Variants in LDB3 observed in about 807,000 individuals in gnomAD.
The protein encoded by LDB3 is LIM domain binding 3, also known as LIM domain-binding protein 3.
In LDB3, 49 loss-of-function variants were observed where a neutral mutation model predicts 69.0. The ratio of observed to expected loss-of-function variants is 0.71; its 90% CI spans 0.56 to 0.90. The LOEUF (loss-of-function observed/expected upper bound fraction) is 0.90, where lower values mean the gene tolerates loss of function less well. Among genes scored for constraint, LDB3 ranks in the 40% least tolerant of loss-of-function variants. The pLI, the probability that LDB3 is intolerant of heterozygous loss-of-function variation, is 0.00. For synonymous variants in LDB3, 387 were observed against 396.2 expected (o/e 0.98, Z 0.28); for missense variants, 928 against 974.1 (o/e 0.95, Z 0.63).
chr10:86,723,431 A>C (rs570572218), intron 12 of LDB3, among the ~76,000 whole-genome samples: 1 of 152,284 alleles, frequency 6.6e-6, no homozygotes, highest in African/African-American at 2.4e-5. Context: ...ACAGCCTAGC[A>C]CAAAGGATTG....
intron 12 of LDB3, among the ~76,000 whole-genome samples, chr10:86,721,246 T>A (rs56999074): frequency 0.015 from 2,346 of 152,326 alleles, 61 homozygotes; most frequent in African/African-American, 0.054. Flanking sequence ...TTATTTTCTG[T>A]TTTTTAAAAA....
intron 9 of LDB3, among the ~76,000 whole-genome samples, chr10:86,713,569 A>C (rs1846751356): frequency 6.6e-6 from 1 of 152,166 alleles, no homozygotes; most frequent in South Asian, 2.1e-4. Flanking sequence ...TTAGCAGAGA[A>C]TTGCACTTCA....
chr10:86,714,977 C>T (rs960040009), intron 9 of LDB3, among the ~76,000 whole-genome samples: 1 of 152,210 alleles, frequency 6.6e-6, no homozygotes, highest in African/African-American at 2.4e-5. Flanking sequence ...TACTCACCCC[C>T]AGCACAGGGA....
At chr10:86,705,670 G>A (rs779522554) in intron 7 of LDB3, among the ~76,000 whole-genome samples, 12 of 152,170 alleles carry the variant, frequency 7.9e-5, no homozygotes, top group Non-Finnish European at 1.6e-4. Context: ...TCCCCAACCC[G>A]TCTGGTCCAC....
chr10:86,711,371 C>T (rs896756460), intron 9 of LDB3, among the ~76,000 whole-genome samples: 1 of 152,040 alleles, frequency 6.6e-6, no homozygotes, highest in African/African-American at 2.4e-5. Flanking sequence ...AGCCGCGGGC[C>T]CCCGCGCCGT....
At chr10:86,719,880 C>T (rs920055976) in intron 12 of LDB3, among the ~76,000 whole-genome samples, 6 of 152,184 alleles carry the variant, frequency 3.9e-5, no homozygotes, top group African/African-American at 1.2e-4. Context: ...AGGCTTCCCC[C>T]TTCAGAAAGG....
chr10:86,683,753 C>G (rs147491608), intron 5 of LDB3, among the ~76,000 whole-genome samples: 5 of 152,322 alleles, frequency 3.3e-5, no homozygotes, highest in Admixed American at 2.6e-4. Context: ...AGGGCAACCT[C>G]TGCTGGGCTG....
intron 5 of LDB3, among the ~76,000 whole-genome samples, chr10:86,683,303 A>C (rs12244574): frequency 0.13 from 20,402 of 152,164 alleles, 1,560 homozygotes; most frequent in African/African-American, 0.21. Flanking sequence ...CACTCTCTAA[A>C]ACAACTCTCT....
intron 13 of LDB3, among the ~76,000 whole-genome samples, chr10:86,728,646 G>A (rs923243985): frequency 1.3e-4 from 19 of 149,228 alleles, no homozygotes; most frequent in South Asian, 2.1e-4. Context: ...GCAGTGGTGC[G>A]ATCTTGGCTC....
chr10:86,686,971 C>T (rs1845511474), intron 5 of LDB3: 1 of 1,080,038 alleles, frequency 9.3e-7, no homozygotes. Context: ...TCTCGACACC[C>T]ACCGCGCCCA....
At position 86,718,856 on chromosome 10, in the gene LDB3, A is replaced by G; in HGVS notation, c.1978+9A>G. On this transcript the variant is annotated intron_variant, in intron 12 of 13. Coordinates refer to ENST00000361373, the MANE Select transcript of LDB3 (RefSeq NM_007078.3). Reference sequence around the variant, plus strand: ...GCCCTACTGCGAGAAAGGTAGGAACACTTCGATGGCATGTGGGGAGGCCCC... The same window carrying G: ...GCCCTACTGCGAGAAAGGTAGGAACGCTTCGATGGCATGTGGGGAGGCCCC... 1 of 1,613,974 alleles carries G rather than the reference A, an allele frequency of 6.2e-7. No individual in the cohort carries two copies. Among genetic ancestry groups the G allele is most frequent in the South Asian group, 1.1e-5 (1 of 91,084 alleles).
At chr10:86,700,327 G>A (rs75224783) in intron 7 of LDB3, among the ~76,000 whole-genome samples, 12,031 of 152,156 alleles carry the variant, frequency 0.079, 566 homozygotes, top group African/African-American at 0.098. Context: ...GGGAATACTC[G>A]AATGCCCCCT....
chr10:86,732,825 G>T (rs1324200346), intron 13 of LDB3, 62 bp from the exon 14 acceptor site: 1 of 1,374,936 alleles, frequency 7.3e-7, no homozygotes, highest in East Asian at 2.4e-5. Flanking sequence ...TTAAAAAAGT[G>T]ATTGAAATCT....
chr10:86,709,195 C>G (rs1347633662), intron 8 of LDB3, among the ~76,000 whole-genome samples: 1 of 152,198 alleles, frequency 6.6e-6, no homozygotes, highest in Non-Finnish European at 1.5e-5. Context: ...CTTCAGCTCT[C>G]TGGGAGGAGA....
At chr10:86,715,988 G>A (rs1163766550) in intron 9 of LDB3, among the ~76,000 whole-genome samples, 2 of 143,182 alleles carry the variant, frequency 1.4e-5, no homozygotes, top group African/African-American at 2.5e-5. Context: ...ACCTCTCCCC[G>A]CCCAGGTACC....
intron 12 of LDB3, among the ~76,000 whole-genome samples, chr10:86,719,282 C>T (rs538847584): frequency 2.6e-5 from 4 of 152,046 alleles, no homozygotes; most frequent in Admixed American, 6.5e-5. Flanking sequence ...GTCTCAGCTA[C>T]GCAGGAGGCT....
At chr10:86,680,308 G>C (rs745966882) in intron 4 of LDB3, 151 bp downstream of exon 4, 3 of 718,414 alleles carry the variant, frequency 4.2e-6, no homozygotes, top group Non-Finnish European at 4.8e-6. Context: ...GCTGACCCTG[G>C]GGAAGTGAGG....
intron 11 of LDB3, 45 bp from the exon 12 acceptor site, chr10:86,718,682 G>A (rs765555585): frequency 3.9e-5 from 63 of 1,613,644 alleles, no homozygotes; most frequent in Non-Finnish European, 5.3e-5. Flanking sequence ...AGTCAAGCCC[G>A]CTCCCTCTCT....
intron 5 of LDB3, among the ~76,000 whole-genome samples, chr10:86,683,959 G>T (rs1845304627): frequency 6.6e-6 from 1 of 152,212 alleles, no homozygotes; most frequent in African/African-American, 2.4e-5. Flanking sequence ...TGGGTAATTT[G>T]CCCGGAGTCA....
Sources: allele counts gnomAD v4.1 joint callset (sites outside exome capture counted in the v4.1 genomes callset), GRCh38; gene constraint gnomAD v4.1.1; transcripts MANE v1.5; gene names NCBI Gene and HGNC (gene_info 2026-07-23, HGNC 2026-07-21).